The following COL4A2 variants were observed in gnomAD, a reference collection of about 807,000 sequenced individuals.
The protein encoded by COL4A2 is collagen alpha-2(IV) chain.
A neutral mutation model predicts 200.2 loss-of-function variants in COL4A2; 99 were observed. That is an observed-to-expected ratio of 0.49 (90% CI 0.42 to 0.58). The LOEUF is 0.58. COL4A2 is among the 20% of genes least tolerant of loss of function. COL4A2 has a pLI of 0.00. For synonymous variants in COL4A2, 897 were observed against 900.6 expected, an observed-to-expected ratio of 1.00 and a Z score of 0.07; for missense variants, 1,950 against 2,314.1, an observed-to-expected ratio of 0.84 and a Z score of 3.23.
At chr13:110,462,591 G>T in intron 24 of COL4A2, 1 of 565,894 alleles carries the variant, frequency 1.8e-6, no homozygotes, top group Admixed American at 3.3e-5. Flanking sequence ...AGCTCCAAAT[G>T]AACATTTAAA....
In COL4A2 at chr13:110,468,049, C is replaced by A. The variant is rs1329136080; in HGVS notation, c.2095+953C>A. The A allele has an allele frequency of 1.2e-5, 5 of 425,796 alleles. No individual in the cohort carries two copies. In the East Asian group the frequency reaches 2.9e-4, roughly 24 times the overall value. The allele number at this position is 425,796 out of a possible 1,614,324, so 26.4% of individuals were successfully genotyped here. A position where few individuals can be genotyped will look rare whatever the true frequency, so the allele number is the denominator to read the frequency against. Reference sequence around the variant, plus strand: ...GGTGTTCTAGATGCTTCCTGCTGCACAAATCATGCCCTCACTGCTTCCCGT... The same window carrying A: ...GGTGTTCTAGATGCTTCCTGCTGCAAAAATCATGCCCTCACTGCTTCCCGT... On this transcript the variant is annotated intron_variant, in intron 27 of 47. Transcript: ENST00000360467.
chr13:110,355,101 G>A (rs1877135358), intron 3 of COL4A2, among the ~76,000 whole-genome samples: 1 of 152,254 alleles, frequency 6.6e-6, no homozygotes, highest in Non-Finnish European at 1.5e-5. Flanking sequence ...ATTGGAAAGG[G>A]TTCTGTCATC....
At chr13:110,460,399 A>G (rs1035216860) in intron 22 of COL4A2, among the ~76,000 whole-genome samples, 1 of 152,234 alleles carries the variant, frequency 6.6e-6, no homozygotes, top group African/African-American at 2.4e-5. Context: ...CGATCTCTGA[A>G]TCATGGCTGT....
At chr13:110,387,334 G>A (rs1404065876) in intron 4 of COL4A2, among the ~76,000 whole-genome samples, 1 of 152,264 alleles carries the variant, frequency 6.6e-6, no homozygotes, top group Non-Finnish European at 1.5e-5. Context: ...GAAGGAAATA[G>A]CCTTGCCGAG....
At chr13:110,458,490 C>T (rs540273110) in intron 21 of COL4A2, among the ~76,000 whole-genome samples, 3 of 152,352 alleles carry the variant, frequency 2.0e-5, no homozygotes, top group Admixed American at 1.3e-4. Flanking sequence ...CTCCCCGCAA[C>T]TCAACCTATG....
At chr13:110,310,782 C>T (rs940504037) in intron 3 of COL4A2, among the ~76,000 whole-genome samples, 4 of 152,208 alleles carry the variant, frequency 2.6e-5, no homozygotes, top group African/African-American at 9.6e-5. Context: ...TTGGTGATTA[C>T]TTATTGGGCA....
intron 4 of COL4A2, among the ~76,000 whole-genome samples, chr13:110,385,618 C>CAGTGTGTGGA (rs1878685209): frequency 6.4e-4 from 2 of 3,132 alleles, no homozygotes; most frequent in African/African-American, 1.6e-3. Flanking sequence ...TAGGCCGTGG[C>CAGTGTGTGGA]TACAGTGTGT....
intron 4 of COL4A2, among the ~76,000 whole-genome samples, chr13:110,374,179 C>T (rs1335179894): frequency 1.3e-5 from 2 of 152,074 alleles, no homozygotes; most frequent in African/African-American, 2.4e-5. Context: ...GGTCCCGGGG[C>T]GATGGGAGCA....
chr13:110,313,502 G>A (rs1182261026), intron 3 of COL4A2, among the ~76,000 whole-genome samples: 9 of 149,026 alleles, frequency 6.0e-5, no homozygotes, highest in Non-Finnish European at 7.4e-5. Flanking sequence ...CTCCCACCCC[G>A]GTGCCCCGCG....
intron 3 of COL4A2, among the ~76,000 whole-genome samples, chr13:110,324,933 T>G (rs188151044): frequency 2.0e-3 from 306 of 152,306 alleles, no homozygotes; most frequent in African/African-American, 6.8e-3. Flanking sequence ...GTTAAGGAAT[T>G]TCTCATTTAC....
intron 4 of COL4A2, among the ~76,000 whole-genome samples, chr13:110,379,568 C>G (rs1348186290): frequency 6.6e-6 from 1 of 152,186 alleles, no homozygotes; most frequent in Admixed American, 6.5e-5. Context: ...CAAGGCTCCT[C>G]CCTTCTCATG....
intron 34 of COL4A2, among the ~76,000 whole-genome samples, chr13:110,488,859 T>G (rs1883193841): frequency 6.6e-6 from 1 of 152,184 alleles, no homozygotes; most frequent in Non-Finnish European, 1.5e-5. Context: ...ACTGTCGTGA[T>G]GGAGACCTGG....
At chr13:110,487,989 A>C (rs890212139) in intron 34 of COL4A2, among the ~76,000 whole-genome samples, 2 of 152,152 alleles carry the variant, frequency 1.3e-5, no homozygotes, top group African/African-American at 2.4e-5. Flanking sequence ...CAGCCTGTGG[A>C]TACCCTCCCC....
At chr13:110,449,535 A>G (rs984626519) in intron 18 of COL4A2, 144 bp from the exon 19 acceptor site, 1 of 699,136 alleles carries the variant, frequency 1.4e-6, no homozygotes, top group African/African-American at 1.8e-5. Context: ...AGACCACCCC[A>G]TGTATTAATC....
intron 21 of COL4A2, chr13:110,458,297 A>G (rs1274155158): frequency 5.4e-6 from 2 of 370,624 alleles, no homozygotes; most frequent in Non-Finnish European, 1.1e-5. Flanking sequence ...CTGTGGCAAA[A>G]CAGAGGAAGA....
intron 3 of COL4A2, among the ~76,000 whole-genome samples, chr13:110,325,634 C>T (rs1885386588): frequency 6.6e-6 from 1 of 152,192 alleles, no homozygotes; most frequent in African/African-American, 2.4e-5. Flanking sequence ...TTCTAATCCC[C>T]GTGTCGCTTC....
rs780504878 is a variant in COL4A2, at chr13:110,489,704, G to A, written c.3272-7G>A. 5.0e-6 allele frequency: 8 copies of A among 1,614,198 alleles called. No homozygotes were observed. Among genetic ancestry groups the A allele is most frequent in the African/African-American group, 1.3e-5 (1 of 75,056 alleles). ...CTGTTCTTAGCCGTCTTTTTTGCATGTAACAGGTGACATCGGGGACACTAT... is the reference window on the plus strand; with the variant it reads ...CTGTTCTTAGCCGTCTTTTTTGCATATAACAGGTGACATCGGGGACACTAT... On this transcript the variant is annotated splice_region_variant and splice_polypyrimidine_tract_variant and intron_variant, in intron 35 of 47. Transcript: ENST00000360467.
intron 4 of COL4A2, among the ~76,000 whole-genome samples, chr13:110,414,827 A>G (rs1452787354): frequency 6.6e-6 from 1 of 152,256 alleles, no homozygotes; most frequent in Non-Finnish European, 1.5e-5. Context: ...TTGTATCATA[A>G]TGTATGAGAA....
rs1339685731 is a variant in COL4A2, at chr13:110,450,444, T to G, written c.1329T>G (p.Pro443=). Residue 443 remains proline, a synonymous_variant, in exon 20 of 48, where the codon CCT becomes CCG. Coordinates refer to ENST00000360467, the MANE Select transcript of COL4A2 (RefSeq NM_001846.4). ...GACCCCCCGGGCTCCCTGGACCACC[T>G]GGACCTGATGGTGAGTGGAGGGAAA... ...PPGPPGLPGP[P]GPDGFLFGLK... The G allele has an allele frequency of 1.9e-6, 3 of 1,613,642 alleles. No individual in the cohort carries two copies. The highest frequency in any genetic ancestry group is 2.5e-6 in the Non-Finnish European group (3 of 1,179,936).
Sources: allele counts gnomAD v4.1 joint callset (sites outside exome capture counted in the v4.1 genomes callset), GRCh38; gene constraint gnomAD v4.1.1; transcripts MANE v1.5; gene names NCBI Gene and HGNC (gene_info 2026-07-23, HGNC 2026-07-21).